The following TMEM232 variants were observed in gnomAD, a reference collection of about 807,000 sequenced individuals.
The protein encoded by TMEM232 is transmembrane protein 232.
Under a neutral mutation model 78.8 loss-of-function variants are expected in TMEM232, and 80 were observed. The observed-to-expected ratio is 1.01, with a 90% CI of 0.85 to 1.22. The LOEUF (loss-of-function observed/expected upper bound fraction) is 1.22. Among genes scored for constraint, TMEM232 ranks in the 50% most tolerant of loss-of-function variants. The pLI is 0.00. For synonymous variants in TMEM232, 297 were observed against 254.3 expected (o/e 1.17, Z -1.60); for missense variants, 881 against 742.2 (o/e 1.19, Z -2.17).
At chr5:110,474,721 T>C (rs1307223427) in intron 12 of TMEM232, among the ~76,000 whole-genome samples, 1 of 151,932 alleles carries the variant, frequency 6.6e-6, no homozygotes, top group African/African-American at 2.4e-5. Flanking sequence ...ATAGAAACAG[T>C]TAATATATAA....
chr5:110,670,258 T>C, intron 1 of TMEM232, among the ~76,000 whole-genome samples: 1 of 152,200 alleles, frequency 6.6e-6, no homozygotes, highest in East Asian at 1.9e-4. Context: ...AAAATCTCCT[T>C]AAGCTGATAA....
At chr5:110,536,293 T>TC (rs538014861) in intron 11 of TMEM232, among the ~76,000 whole-genome samples, 58 of 151,868 alleles carry the variant, frequency 3.8e-4, no homozygotes, top group African/African-American at 1.3e-3. Flanking sequence ...GCCTTTTTTT[T>TC]CTTTTTCAGT....
At chr5:110,572,358 TA>T (rs763103483) in intron 10 of TMEM232, among the ~76,000 whole-genome samples, 27 of 152,038 alleles carry the variant, frequency 1.8e-4, no homozygotes, top group Non-Finnish European at 2.8e-4. Context: ...GGAAACACAT[TA>T]TTTTTTAAGT....
At chr5:110,676,568 T>C (rs912677250) in intron 1 of TMEM232, among the ~76,000 whole-genome samples, 1 of 151,356 alleles carries the variant, frequency 6.6e-6, no homozygotes, top group Non-Finnish European at 1.5e-5. Context: ...ACCACACCCA[T>C]CTAATGTTTG....
At chr5:110,638,911 G>C (rs1786282776) in intron 4 of TMEM232, among the ~76,000 whole-genome samples, 1 of 152,188 alleles carries the variant, frequency 6.6e-6, no homozygotes, top group Non-Finnish European at 1.5e-5. Flanking sequence ...CAGAAGACTA[G>C]AGAATCAAGG....
chr5:110,635,879 C>T (rs895641992), intron 5 of TMEM232, among the ~76,000 whole-genome samples: 1 of 151,890 alleles, frequency 6.6e-6, no homozygotes, highest in African/African-American at 2.4e-5. Context: ...AATAGAACTA[C>T]CATATTATCC....
intron 12 of TMEM232, among the ~76,000 whole-genome samples, chr5:110,440,472 C>G (rs1173976823): frequency 6.6e-6 from 1 of 151,882 alleles, no homozygotes; most frequent in East Asian, 1.9e-4. Context: ...CAATCTGAAA[C>G]CTTTTGATAT....
intron 12 of TMEM232, among the ~76,000 whole-genome samples, chr5:110,460,286 T>C (rs1761362176): frequency 6.7e-6 from 1 of 148,388 alleles, no homozygotes; most frequent in African/African-American, 2.6e-5. Context: ...TAAAAATGTA[T>C]AAGTAAGTGT....
intron 7 of TMEM232, among the ~76,000 whole-genome samples, chr5:110,620,645 T>C (rs1416198400): frequency 2.6e-4 from 22 of 83,510 alleles, no homozygotes; most frequent in South Asian, 2.5e-3. Flanking sequence ...CTCTCCTCTC[T>C]CCTCTCTCTC....
At chr5:110,646,435 A>T (rs1787482729) in intron 2 of TMEM232, among the ~76,000 whole-genome samples, 1 of 151,820 alleles carries the variant, frequency 6.6e-6, no homozygotes, top group Non-Finnish European at 1.5e-5. Context: ...TCTACAGTCA[A>T]CTGATCTTTG....
At chr5:110,695,575 A>G (rs1794671165) in intron 1 of TMEM232, among the ~76,000 whole-genome samples, 1 of 152,174 alleles carries the variant, frequency 6.6e-6, no homozygotes, top group African/African-American at 2.4e-5. Context: ...TAAAGAAGAA[A>G]AGAGAGAAGA....
At chr5:110,534,023 C>T (rs1771945555) in intron 11 of TMEM232, among the ~76,000 whole-genome samples, 1 of 152,162 alleles carries the variant, frequency 6.6e-6, no homozygotes, top group African/African-American at 2.4e-5. Context: ...ACACATCAAG[C>T]TCCAGGATTT....
intron 10 of TMEM232, among the ~76,000 whole-genome samples, chr5:110,589,576 C>G (rs1485608757): frequency 1.3e-5 from 2 of 152,124 alleles, no homozygotes; most frequent in Non-Finnish European, 2.9e-5. Context: ...TGCCTTCATT[C>G]AGTCTCAAAT....
intron 12 of TMEM232, among the ~76,000 whole-genome samples, chr5:110,429,064 A>G (rs995927715): frequency 1.3e-5 from 2 of 151,830 alleles, no homozygotes; most frequent in South Asian, 2.1e-4. Flanking sequence ...GGAAGTTGTT[A>G]TTAGGAGTGG....
intron 11 of TMEM232, among the ~76,000 whole-genome samples, chr5:110,554,880 A>T (rs1774891537): frequency 6.6e-6 from 1 of 152,052 alleles, no homozygotes; most frequent in African/African-American, 2.4e-5. Flanking sequence ...TCCTGGTTCA[A>T]CCTTGGGAGG....
At chr5:110,416,275 A>G (rs1756205198), downstream of TMEM232, among the ~76,000 whole-genome samples, 1 of 152,198 alleles carries the variant, frequency 6.6e-6, no homozygotes, top group African/African-American at 2.4e-5. Flanking sequence ...ATTTGTTCCT[A>G]CACATGTCTT....
intron 12 of TMEM232, among the ~76,000 whole-genome samples, chr5:110,427,517 T>G (rs1313689933): frequency 6.6e-6 from 1 of 151,918 alleles, no homozygotes; most frequent in Non-Finnish European, 1.5e-5. Flanking sequence ...GAGAGACTTT[T>G]CAAGAAAGAT....
At chr5:110,570,849 C>A (rs1003042670) in intron 10 of TMEM232, among the ~76,000 whole-genome samples, 1 of 151,970 alleles carries the variant, frequency 6.6e-6, no homozygotes, top group East Asian at 1.9e-4. Context: ...CATGGCCAGG[C>A]AATTACTGTC....
intron 1 of TMEM232, among the ~76,000 whole-genome samples, chr5:110,668,512 G>A (rs1403958590): frequency 2.0e-5 from 3 of 152,062 alleles, no homozygotes; most frequent in Non-Finnish European, 2.9e-5. Context: ...AGATCTGAGT[G>A]GCAATGGGAA....
Sources: allele counts gnomAD v4.1 joint callset (sites outside exome capture counted in the v4.1 genomes callset), GRCh38; gene constraint gnomAD v4.1.1; transcripts MANE v1.5; gene names NCBI Gene and HGNC (gene_info 2026-07-23, HGNC 2026-07-21).